Variants in TRPV1 observed in about 807,000 individuals in gnomAD.
The protein encoded by TRPV1 is transient receptor potential cation channel subfamily V member 1.
A neutral mutation model predicts 82.3 loss-of-function variants in TRPV1; 82 were observed. That is an observed-to-expected ratio of 1.00 (90% CI 0.83 to 1.20). TRPV1 has a LOEUF of 1.20. TRPV1 is among the 50% of genes most tolerant of loss of function. The pLI is 0.00. For synonymous variants in TRPV1, 515 were observed against 467.7 expected (o/e 1.10, Z -1.30); for missense variants, 1,067 against 1,096.8 (o/e 0.97, Z 0.38).
Position 3,589,986 on chromosome 17 carries a change from GCACCGTGTTGCC to G in TRPV1, c.853_864del (p.Gly285_Val288del). On this transcript the variant is annotated inframe_deletion, in exon 7 of 17. Coordinates refer to ENST00000572705, the MANE Select transcript of TRPV1 (RefSeq NM_080704.4). ...TCGGCCACCTCCACCAGGGCGTGCA[GCACCGTGTTGCC>G]CACCGAGTCCCTGGCGCTGATGTCG... is the stretch of plus-strand genomic sequence containing the variant. The G allele has an allele frequency of 6.4e-7, 1 of 1,560,386 alleles. No homozygotes were observed. The highest frequency in any genetic ancestry group is 8.7e-7 in the Non-Finnish European group (1 of 1,152,776).
intron 10 of TRPV1, among the ~76,000 whole-genome samples, chr17:3,581,676 G>C (rs1045652447): frequency 5.9e-5 from 9 of 151,574 alleles, no homozygotes; most frequent in Admixed American, 1.3e-4. Context: ...CACGAGGTCA[G>C]GAGACCGAGA....
intron 10 of TRPV1, among the ~76,000 whole-genome samples, chr17:3,582,070 G>A (rs1393729476): frequency 4.2e-4 from 62 of 148,236 alleles, no homozygotes; most frequent in African/African-American, 1.4e-3. Flanking sequence ...GGTGCCTGTA[G>A]TCCCAGCTAC....
Position 3,573,598 on chromosome 17 carries a change from G to A in TRPV1, c.2103+35C>T, listed in dbSNP as rs780996491. 57 of 1,237,436 alleles carry A rather than the reference G, an allele frequency of 4.6e-5. 1 individual carries two copies. The highest frequency in any genetic ancestry group is 2.2e-4 in the East Asian group (4 of 18,552). 76.7% of individuals were successfully genotyped at this position (1,237,436 alleles called of 1,614,324 possible). A position where few individuals can be genotyped will look rare whatever the true frequency, so the allele number is the denominator to read the frequency against. On this transcript the variant is annotated intron_variant, in intron 14 of 16. Coordinates refer to ENST00000572705, the MANE Select transcript of TRPV1 (RefSeq NM_080704.4). ...GCAGACAGAGCCGCCCACACTCTCC[G>A]CGCCACTCACCACCCCCCAACTCCA...
At chr17:3,569,961 AGGGGTCAG>A (rs1250771971) in intron 16 of TRPV1, among the ~76,000 whole-genome samples, 7 of 148,736 alleles carry the variant, frequency 4.7e-5, no homozygotes, top group African/African-American at 1.8e-4. Flanking sequence ...GGAGGGGCCA[AGGGGTCAG>A]GGAGGAGGGG....
intron 10 of TRPV1, among the ~76,000 whole-genome samples, chr17:3,582,088 G>T (rs536892473): frequency 6.8e-6 from 1 of 148,124 alleles, no homozygotes; most frequent in Non-Finnish European, 1.5e-5. Context: ...TACTCGGGAG[G>T]CTGAGGCAGG....
intron 16 of TRPV1, among the ~76,000 whole-genome samples, chr17:3,567,398 G>GA (rs2150820124): frequency 6.9e-6 from 1 of 144,284 alleles, no homozygotes; most frequent in South Asian, 2.2e-4. Flanking sequence ...AAAAGAAGAA[G>GA]AAGAAGAAAG....
At position 3,577,195 on chromosome 17, in the gene TRPV1, G is replaced by A. The variant is rs1470652924; in HGVS notation, c.1714-3C>T. The A allele has an allele frequency of 1.3e-6, 2 of 1,575,176 alleles. No homozygotes were observed. The highest frequency in any genetic ancestry group is 1.9e-5 in the Admixed American group (1 of 53,702). ...CGGCACAGGTCTCTCAGGATCATCT[G>A]CAGGAGACAGCAGGCTCATCAGAGC... On this transcript the variant is annotated splice_region_variant and splice_polypyrimidine_tract_variant and intron_variant, in intron 12 of 16. Transcript: ENST00000572705.
chr17:3,598,122 A>T (rs1351799399), intron 2 of TRPV1, among the ~76,000 whole-genome samples: 1 of 152,240 alleles, frequency 6.6e-6, no homozygotes, highest in East Asian at 1.9e-4. Context: ...TGAGAAAAAC[A>T]GTGAGGTCTA....
At chr17:3,596,607 C>A (rs1053951082) in intron 2 of TRPV1, among the ~76,000 whole-genome samples, 13 of 152,194 alleles carry the variant, frequency 8.5e-5, no homozygotes, top group African/African-American at 3.1e-4. Context: ...CAGCCTCCTC[C>A]CCCGAGGACG....
intron 11 of TRPV1, among the ~76,000 whole-genome samples, chr17:3,580,032 C>T (rs1382048533): frequency 1.4e-4 from 21 of 151,180 alleles, no homozygotes; most frequent in Non-Finnish European, 2.4e-4. Flanking sequence ...GCCCCCGCCC[C>T]GCCCCGCCCC....
At chr17:3,605,726 C>T (rs1293259626) in intron 2 of TRPV1, among the ~76,000 whole-genome samples, 2 of 152,056 alleles carry the variant, frequency 1.3e-5, no homozygotes, top group Non-Finnish European at 2.9e-5. Flanking sequence ...TTCCTAGGGT[C>T]TGTTTATGTA....
At chr17:3,569,163 T>G (rs1044249923) in intron 16 of TRPV1, among the ~76,000 whole-genome samples, 1 of 152,108 alleles carries the variant, frequency 6.6e-6, no homozygotes, top group African/African-American at 2.4e-5. Flanking sequence ...ATATACCTAA[T>G]GTAAATGACG....
intron 2 of TRPV1, among the ~76,000 whole-genome samples, chr17:3,593,410 T>A (rs757845751): frequency 5.9e-5 from 9 of 152,238 alleles, no homozygotes; most frequent in Non-Finnish European, 1.3e-4. Context: ...GTTGGACACA[T>A]GAGCTGATGC....
At chr17:3,584,412 A>G (rs2075058729) in intron 9 of TRPV1, among the ~76,000 whole-genome samples, 1 of 20,096 alleles carries the variant, frequency 5.0e-5, no homozygotes, top group African/African-American at 1.9e-4. Context: ...CAAAAAAAAA[A>G]AAAATAAAAT....
chr17:3,574,872 C>T (rs986163388), intron 13 of TRPV1, among the ~76,000 whole-genome samples: 1 of 142,722 alleles, frequency 7.0e-6, no homozygotes, highest in Non-Finnish European at 1.5e-5. Context: ...GTTTGCAGAT[C>T]GCGCCACTGC....
chr17:3,590,003 G>A lies in TRPV1; in HGVS notation c.848C>T (p.Ser283Leu), dbSNP rs201578866. 3.8e-5 allele frequency: 59 copies of A among 1,561,602 alleles called. No individual in the cohort carries two copies. Among genetic ancestry groups the A allele is most frequent in the Non-Finnish European group, 4.8e-5 (55 of 1,153,612 alleles). The change falls in exon 7 of 17, where the codon TCG becomes TTG. Residue 283 changes from serine to leucine, a missense_variant. Physicochemically the swap from Ser to Leu is moderately radical, Grantham distance 145 (BLOSUM62 -2). Transcript: ENST00000572705. ...WQTADISARD[S>L]VGNTVLHALV... ...GGCGTGCAGCACCGTGTTGCCCACC[G>A]AGTCCCTGGCGCTGATGTCGGCCGT...
At chr17:3,603,867 C>T (rs373955326) in intron 2 of TRPV1, among the ~76,000 whole-genome samples, 1 of 152,200 alleles carries the variant, frequency 6.6e-6, no homozygotes, top group Non-Finnish European at 1.5e-5. Context: ...GAGACCCTCT[C>T]TCCTGAGGGC....
At chr17:3,578,616 C>G (rs181313505) in intron 11 of TRPV1, 1 of 152,174 alleles carries the variant, frequency 6.6e-6, no homozygotes, top group African/African-American at 2.4e-5. Flanking sequence ...TGTGGTAAAC[C>G]TACAGACCTT....
chr17:3,606,106 C>T (rs188668713), intron 2 of TRPV1, among the ~76,000 whole-genome samples: 2 of 152,078 alleles, frequency 1.3e-5, no homozygotes, highest in African/African-American at 2.4e-5. Context: ...TTACAGGTGC[C>T]GACCACCATG....
Sources: gnomAD v4.1 joint callset for allele counts (sites outside exome capture counted in the v4.1 genomes callset) on GRCh38, gnomAD v4.1.1 for gene constraint, MANE v1.5 for transcripts, NCBI Gene and HGNC (gene_info 2026-07-23, HGNC 2026-07-21) for gene names.